Variants in SIPA1L3 observed in about 807,000 individuals in gnomAD.
SIPA1L3 encodes signal induced proliferation associated 1 like 3, also known as signal-induced proliferation-associated 1-like protein 3.
A neutral mutation model predicts 150.1 loss-of-function variants in SIPA1L3; 59 were observed. That is an observed-to-expected ratio of 0.39 (90% CI 0.32 to 0.49). The LOEUF is 0.49. Ranked by LOEUF, SIPA1L3 falls within the 20% of genes least tolerant of loss-of-function variation. The pLI is 0.86. For synonymous variants in SIPA1L3, 1,070 were observed against 1,077.6 expected (o/e 0.99, Z 0.14); for missense variants, 2,211 against 2,489.5 (o/e 0.89, Z 2.38).
In SIPA1L3 at chr19:38,082,413, C is replaced by T. The variant is rs141958728; in HGVS notation, c.848C>T (p.Ala283Val). The T allele has an allele frequency of 7.7e-3, 12,281 of 1,596,976 alleles. 64 individuals carry two copies. The highest frequency in any genetic ancestry group is 8.3e-3 in the Non-Finnish European group (9,748 of 1,175,892). The part of the protein sequence containing the change: ...PLQPTKEKEK[A>V]RKKPARGLGG... ...CAGCCCACGAAGGAGAAGGAGAAGG[C>T]CCGGAAGAAACCTGCGCGGGGCCTC... Residue 283 changes from alanine to valine, a missense_variant, in exon 3 of 22, where the codon GCC becomes GTC. Ala to Val is a moderately conservative substitution (Grantham distance 64). Coordinates refer to ENST00000222345, the MANE Select transcript of SIPA1L3 (RefSeq NM_015073.3).
intron 11 of SIPA1L3, 33 bp from the exon 12 acceptor site, chr19:38,142,540 C>A: frequency 1.3e-6 from 2 of 1,583,060 alleles, no homozygotes; most frequent in South Asian, 1.1e-5. Flanking sequence ...TCCTACTCAC[C>A]CTCTGCCTCC....
intron 12 of SIPA1L3, among the ~76,000 whole-genome samples, chr19:38,146,893 G>A (rs899378456): frequency 6.6e-6 from 1 of 152,000 alleles, no homozygotes; most frequent in Admixed American, 6.6e-5. Flanking sequence ...TCTTTTGTGC[G>A]TCTTCTAATT....
chr19:37,909,011 CCTT>C (rs1373924633), intron 1 of SIPA1L3, among the ~76,000 whole-genome samples: 1 of 152,214 alleles, frequency 6.6e-6, no homozygotes, highest in African/African-American at 2.4e-5. Flanking sequence ...AACCTGAACT[CCTT>C]CTCCTCCTGG....
intron 2 of SIPA1L3, among the ~76,000 whole-genome samples, chr19:38,078,853 C>T (rs1383870198): frequency 6.6e-6 from 1 of 152,114 alleles, no homozygotes; most frequent in Admixed American, 6.5e-5. Flanking sequence ...CCCACTTTCC[C>T]CTTCCTCTCC....
chr19:38,026,161 A>G (rs1968505341), intron 1 of SIPA1L3, among the ~76,000 whole-genome samples: 1 of 152,138 alleles, frequency 6.6e-6, no homozygotes, highest in African/African-American at 2.4e-5. Flanking sequence ...GGGCCTGGTG[A>G]GGTTGTCAGG....
chr19:38,019,903 C>A (rs1275409922), intron 1 of SIPA1L3, among the ~76,000 whole-genome samples: 5 of 152,118 alleles, frequency 3.3e-5, no homozygotes, highest in African/African-American at 1.2e-4. Context: ...GCCTGGGCCA[C>A]TTAGCAAGAC....
chr19:38,045,665 G>A (rs1969040606), intron 2 of SIPA1L3, among the ~76,000 whole-genome samples: 2 of 152,042 alleles, frequency 1.3e-5, no homozygotes. Context: ...GGTGGGCGTG[G>A]GAGTGTCAGA....
intron 13 of SIPA1L3, among the ~76,000 whole-genome samples, chr19:38,155,741 G>A: frequency 6.6e-6 from 1 of 152,174 alleles, no homozygotes; most frequent in East Asian, 1.9e-4. Flanking sequence ...GGAAGAGGCT[G>A]CATGCCCCAA....
In SIPA1L3 at chr19:37,935,360, TTG is replaced by T. The variant is rs201538411; in HGVS notation, c.-379+28008_-379+28009del. Reference sequence around the variant, plus strand: ...GATTTTTGTTGGGATTTGTGATTGATTGTGTGTTTCTTTTTCAGGTGGCACTT... The same window carrying T: ...GATTTTTGTTGGGATTTGTGATTGATTGTGTTTCTTTTTCAGGTGGCACTT... On this transcript the variant is annotated intron_variant, in intron 1 of 21. Coordinates refer to ENST00000222345, the MANE Select transcript of SIPA1L3 (RefSeq NM_015073.3). Among the ~76,000 whole-genome samples, 712 of 152,280 alleles carry T rather than the reference TTG, an allele frequency of 4.7e-3. 9 individuals carry two copies. Among genetic ancestry groups the T allele is most frequent in the African/African-American group, 0.015 (638 of 41,542 alleles).
At chr19:38,034,561 G>C (rs1322296830) in intron 2 of SIPA1L3, among the ~76,000 whole-genome samples, 5 of 152,136 alleles carry the variant, frequency 3.3e-5, no homozygotes, top group African/African-American at 9.7e-5. Context: ...GCTGCTCACT[G>C]TCTGGCCTGG....
intron 2 of SIPA1L3, among the ~76,000 whole-genome samples, chr19:38,063,666 C>T (rs939567136): frequency 1.2e-4 from 18 of 152,100 alleles, no homozygotes; most frequent in African/African-American, 4.1e-4. Context: ...GAGGAGGGCG[C>T]GTACTAAGTA....
At chr19:37,973,590 C>T (rs1966998904) in intron 1 of SIPA1L3, among the ~76,000 whole-genome samples, 1 of 118,386 alleles carries the variant, frequency 8.4e-6, no homozygotes, top group African/African-American at 3.9e-5. Context: ...ACTAAAACGC[C>T]TCTCAGCACT....
At chr19:38,103,291 A>C (rs1970549016) in intron 6 of SIPA1L3, among the ~76,000 whole-genome samples, 1 of 152,134 alleles carries the variant, frequency 6.6e-6, no homozygotes, top group African/African-American at 2.4e-5. Flanking sequence ...TATTTGTTGC[A>C]GCAGTCTCTG....
chr19:38,003,675 TC>T (rs1967866902), intron 1 of SIPA1L3, among the ~76,000 whole-genome samples: 1 of 152,168 alleles, frequency 6.6e-6, no homozygotes. Flanking sequence ...CCCAGGAGCC[TC>T]CTCCCGAGAG....
At chr19:38,136,701 G>T (rs1046413032) in intron 10 of SIPA1L3, among the ~76,000 whole-genome samples, 3 of 152,160 alleles carry the variant, frequency 2.0e-5, no homozygotes, top group Non-Finnish European at 4.4e-5. Context: ...GCAGATCCTT[G>T]GGCCCTGCCT....
chr19:37,999,086 G>T (rs1390081620), intron 1 of SIPA1L3, among the ~76,000 whole-genome samples: 1 of 152,066 alleles, frequency 6.6e-6, no homozygotes, highest in Non-Finnish European at 1.5e-5. Flanking sequence ...AGACAGTTGG[G>T]AAGGTCCTGA....
intron 2 of SIPA1L3, among the ~76,000 whole-genome samples, chr19:38,048,717 G>C (rs1969116303): frequency 6.6e-6 from 1 of 152,244 alleles, no homozygotes; most frequent in Non-Finnish European, 1.5e-5. Context: ...GAACAAAGAA[G>C]TGTGGTTTTC....
At chr19:38,045,961 T>G (rs565455007) in intron 2 of SIPA1L3, among the ~76,000 whole-genome samples, 1 of 152,190 alleles carries the variant, frequency 6.6e-6, no homozygotes, top group South Asian at 2.1e-4. Context: ...CAACTTCATT[T>G]AATTCTTTCT....
At chr19:38,049,328 TC>T (rs1466167190) in intron 2 of SIPA1L3, among the ~76,000 whole-genome samples, 1 of 152,210 alleles carries the variant, frequency 6.6e-6, no homozygotes, top group Non-Finnish European at 1.5e-5. Context: ...AGAGTCAGCT[TC>T]CGGGGTTTGG....
Sources: gnomAD v4.1 joint callset for allele counts (sites outside exome capture counted in the v4.1 genomes callset) on GRCh38, gnomAD v4.1.1 for gene constraint, MANE v1.5 for transcripts, NCBI Gene and HGNC (gene_info 2026-07-23, HGNC 2026-07-21) for gene names.